Variants in MTFR1 observed in about 807,000 individuals in gnomAD.
The protein encoded by MTFR1 is mitochondrial fission regulator 1, also known as chondrocyte protein with a poly-proline region.
Under a neutral mutation model 38.8 loss-of-function variants are expected in MTFR1, and 28 were observed. The observed-to-expected ratio is 0.72, with a 90% confidence interval of 0.53 to 0.99. MTFR1 has a LOEUF of 0.99. Among genes scored for constraint, MTFR1 ranks in the 50% least tolerant of loss-of-function variants. The pLI is 0.00. For missense variants in MTFR1, 358 were observed against 395.5 expected, an observed-to-expected ratio of 0.91 and a Z score of 0.81; for synonymous variants, 145 against 137.0, an observed-to-expected ratio of 1.06 and a Z score of -0.41.
downstream of MTFR1, among the ~76,000 whole-genome samples, chr8:65,713,265 AC>A (rs1806003043): frequency 6.6e-6 from 1 of 152,162 alleles, no homozygotes; most frequent in Non-Finnish European, 1.5e-5. Context: ...ACATGGTGAA[AC>A]CCTGTCTCTA....
At chr8:65,651,890 T>C (rs1043953697) in intron 1 of MTFR1, among the ~76,000 whole-genome samples, 15 of 152,210 alleles carry the variant, frequency 9.9e-5, no homozygotes, top group African/African-American at 3.6e-4. Context: ...TTGGGTGGTA[T>C]GGACCTTTTA....
chr8:65,674,303 C>T (rs1169883679), intron 2 of MTFR1, among the ~76,000 whole-genome samples: 2 of 137,414 alleles, frequency 1.5e-5, no homozygotes, highest in Non-Finnish European at 3.2e-5. Flanking sequence ...TTTATTTTAT[C>T]TTTTTTTTTT....
At chr8:65,708,545 C>T (rs1476501594) in intron 7 of MTFR1, among the ~76,000 whole-genome samples, 1 of 152,082 alleles carries the variant, frequency 6.6e-6, no homozygotes, top group African/African-American at 2.4e-5. Flanking sequence ...ATGGAAGCTC[C>T]CACATAATAA....
At chr8:65,662,032 C>CTTCTCTCTCTCCCT (rs1809433303) in intron 1 of MTFR1, among the ~76,000 whole-genome samples, 1 of 100,534 alleles carries the variant, frequency 9.9e-6, no homozygotes, top group East Asian at 3.8e-4. Flanking sequence ...TCTCTCTCTC[C>CTTCTCTCTCTCCCT]CTCTCTCTCC....
At chr8:65,773,978 C>T (rs1809185561), downstream of MTFR1, among the ~76,000 whole-genome samples, 1 of 152,156 alleles carries the variant, frequency 6.6e-6, no homozygotes. Context: ...TTACTGATTT[C>T]CTTACCCACA....
At chr8:65,742,734 T>C (rs1807500545) in intron 3 of MTFR1, among the ~76,000 whole-genome samples, 1 of 152,200 alleles carries the variant, frequency 6.6e-6, no homozygotes, top group South Asian at 2.1e-4. Context: ...TCTCTTTAAG[T>C]AGAAAATTCC....
intron 4 of MTFR1, among the ~76,000 whole-genome samples, chr8:65,694,114 A>C: frequency 7.7e-6 from 1 of 129,058 alleles, no homozygotes. Flanking sequence ...TTGTTCTGTC[A>C]CCCACGCTCC....
At chr8:65,644,865 C>G (rs958648234) in intron 1 of MTFR1, 81 bp downstream of exon 1, 21 of 152,638 alleles carry the variant, frequency 1.4e-4, no homozygotes, top group African/African-American at 5.1e-4. Context: ...ATGGGATGCC[C>G]TGGAAACAGT....
chr8:65,708,144 C>G, intron 7 of MTFR1, 133 bp downstream of exon 7: 1 of 1,572,980 alleles, frequency 6.4e-7, no homozygotes, highest in Non-Finnish European at 8.6e-7. Context: ...TTGGTCCCTG[C>G]CTTACAAGTA....
At chr8:65,765,227 C>T (rs1399676809) in intron 3 of MTFR1, among the ~76,000 whole-genome samples, 3 of 151,992 alleles carry the variant, frequency 2.0e-5, no homozygotes, top group Admixed American at 6.5e-5. Flanking sequence ...CGGTGGCTCA[C>T]GCCTGTAATC....
chr8:65,740,698 G>A (rs1807385187), intron 3 of MTFR1, among the ~76,000 whole-genome samples: 2 of 152,108 alleles, frequency 1.3e-5, no homozygotes, highest in African/African-American at 4.8e-5. Flanking sequence ...ACCACGCCTG[G>A]CCAAGTTTCC....
intron 3 of MTFR1, chr8:65,727,381 A>G: frequency 6.4e-7 from 1 of 1,562,780 alleles, no homozygotes; most frequent in Non-Finnish European, 8.7e-7. Context: ...TTGAATTAGC[A>G]GCCAATGGTA....
At chr8:65,646,105 A>G (rs1585734544) in intron 1 of MTFR1, among the ~76,000 whole-genome samples, 1 of 152,324 alleles carries the variant, frequency 6.6e-6, no homozygotes, top group East Asian at 1.9e-4. Flanking sequence ...TTGCTTTTGA[A>G]TAGTAATAAT....
At chr8:65,712,290 G>C (rs1805968383), downstream of MTFR1, among the ~76,000 whole-genome samples, 1 of 152,186 alleles carries the variant, frequency 6.6e-6, no homozygotes, top group South Asian at 2.1e-4. Context: ...ACTGACCGCG[G>C]GGGCTGAGCT....
chr8:65,738,193 T>C (rs1163439073), intron 3 of MTFR1, among the ~76,000 whole-genome samples: 2 of 152,266 alleles, frequency 1.3e-5, no homozygotes, highest in East Asian at 1.9e-4. Flanking sequence ...AAAGACTTTA[T>C]TGCTATAAAA....
intron 1 of MTFR1, among the ~76,000 whole-genome samples, chr8:65,650,584 A>G (rs756562704): frequency 1.1e-4 from 16 of 152,190 alleles, no homozygotes; most frequent in African/African-American, 3.9e-4. Context: ...TTCGCTTAAC[A>G]TAATATCCTC....
At chr8:65,719,473 C>T (rs1806286164) in exon 3 of MTFR1, 2 of 1,613,060 alleles carry the variant, frequency 1.2e-6, no homozygotes, top group African/African-American at 2.7e-5. Context: ...TAAATAAAGG[C>T]TCCACTAGGT....
chr8:65,685,137 T>A (rs1805034209), intron 3 of MTFR1, among the ~76,000 whole-genome samples: 1 of 152,278 alleles, frequency 6.6e-6, no homozygotes, highest in African/African-American at 2.4e-5. Context: ...GGAGGCAGTT[T>A]TGAGTAAGAA....
chr8:65,668,314 A>G (rs1331869491), intron 1 of MTFR1, among the ~76,000 whole-genome samples: 1 of 148,898 alleles, frequency 6.7e-6, no homozygotes, highest in Non-Finnish European at 1.5e-5. Context: ...AGTAGCTGGG[A>G]TTACAGGCGT....
Sources: gnomAD v4.1 joint callset for allele counts (sites outside exome capture counted in the v4.1 genomes callset) on GRCh38, gnomAD v4.1.1 for gene constraint, MANE v1.5 for transcripts, NCBI Gene and HGNC (gene_info 2026-07-23, HGNC 2026-07-21) for gene names.